Variants in GMCL1 observed in about 807,000 individuals in gnomAD.
GMCL1 encodes germ cell-less 1, spermatogenesis associated.
A neutral mutation model predicts 75.5 loss-of-function variants in GMCL1; 54 were observed. The ratio of observed to expected loss-of-function variants is 0.71; its 90% CI spans 0.57 to 0.90. The LOEUF (loss-of-function observed/expected upper bound fraction) is 0.90, where lower values mean the gene tolerates loss of function less well. GMCL1 is among the 40% of genes least tolerant of loss of function. GMCL1 has a pLI of 0.00. For synonymous variants in GMCL1, 210 were observed against 209.6 expected (o/e 1.00, Z -0.02); for missense variants, 537 against 622.7 (o/e 0.86, Z 1.47).
intron 1 of GMCL1, among the ~76,000 whole-genome samples, chr2:69,834,840 T>C (rs1216228058): frequency 1.3e-5 from 2 of 152,192 alleles, no homozygotes; most frequent in African/African-American, 4.8e-5. Flanking sequence ...GGATGCCTCT[T>C]AACTGGATTT....
At position 69,864,942 on chromosome 2, in the gene GMCL1, G is replaced by A. The variant is rs1320666418; in HGVS notation, c.1185G>A (p.Met395Ile). The A allele has an allele frequency of 1.2e-6, 2 of 1,613,562 alleles. No homozygotes were observed. Among genetic ancestry groups the A allele is most frequent in the Non-Finnish European group, 1.7e-6 (2 of 1,179,658 alleles). The change falls in exon 11 of 14, where the codon ATG becomes ATA. Residue 395 changes from methionine to isoleucine, a missense_variant. Coordinates refer to ENST00000282570, the MANE Select transcript of GMCL1 (RefSeq NM_178439.5). Reference sequence around the variant, plus strand: ...AAGAAGAACTAGAGGGAAACAGCATGAGGTGTGGTAGAAAGCTTGCCAAAG... The same window carrying A: ...AAGAAGAACTAGAGGGAAACAGCATAAGGTGTGGTAGAAAGCTTGCCAAAG... ...INKEELEGNS[M>I]RCGRKLAKDG...
At chr2:69,875,133 A>G (rs1260716642) in intron 13 of GMCL1, among the ~76,000 whole-genome samples, 1 of 152,084 alleles carries the variant, frequency 6.6e-6, no homozygotes, top group East Asian at 1.9e-4. Context: ...TGTTATCCTT[A>G]GGCCTCCATC....
At chr2:69,870,658 A>G (rs1675957362) in intron 12 of GMCL1, among the ~76,000 whole-genome samples, 1 of 152,232 alleles carries the variant, frequency 6.6e-6, no homozygotes, top group Non-Finnish European at 1.5e-5. Flanking sequence ...CTACAACTCT[A>G]TAATTTAAAA....
chr2:69,854,103 A>G (rs1487275579), intron 8 of GMCL1, among the ~76,000 whole-genome samples: 8 of 149,824 alleles, frequency 5.3e-5, no homozygotes, highest in Non-Finnish European at 8.9e-5. Context: ...ACGCCCAGCC[A>G]AATTATTCTA....
intron 9 of GMCL1, among the ~76,000 whole-genome samples, chr2:69,857,837 AT>A (rs2104004470): frequency 6.6e-6 from 1 of 152,312 alleles, no homozygotes; most frequent in African/African-American, 2.4e-5. Context: ...TTTTAAGTGG[AT>A]TCATGTTAGT....
chr2:69,878,875 T>G (rs1273823382), intron 13 of GMCL1, 34 bp from the exon 14 acceptor site: 1 of 1,430,734 alleles, frequency 7.0e-7, no homozygotes, highest in African/African-American at 1.4e-5. Context: ...TTATTTTATC[T>G]AATTGTCATT....
chr2:69,866,467 C>T (rs1178780385), intron 11 of GMCL1, among the ~76,000 whole-genome samples: 3 of 151,942 alleles, frequency 2.0e-5, no homozygotes, highest in Non-Finnish European at 2.9e-5. Flanking sequence ...GATTATTTTA[C>T]GTTCACATTG....
At chr2:69,846,328 A>T (rs1675143874) in intron 6 of GMCL1, among the ~76,000 whole-genome samples, 1 of 152,206 alleles carries the variant, frequency 6.6e-6, no homozygotes, top group Non-Finnish European at 1.5e-5. Context: ...TGGGGGAAAA[A>T]CTATAAAAAA....
At chr2:69,870,468 A>G (rs893013329) in intron 12 of GMCL1, among the ~76,000 whole-genome samples, 1 of 152,178 alleles carries the variant, frequency 6.6e-6, no homozygotes, top group Admixed American at 6.5e-5. Flanking sequence ...TTTCTTCCAT[A>G]AGACACCCAA....
chr2:69,850,090 C>CT (rs1275028068), intron 8 of GMCL1, among the ~76,000 whole-genome samples: 1 of 152,162 alleles, frequency 6.6e-6, no homozygotes, highest in Admixed American at 6.5e-5. Context: ...TGAGTTTTCT[C>CT]TAACAAGCTA....
chr2:69,869,160 A>G (rs1415619404), intron 11 of GMCL1, among the ~76,000 whole-genome samples: 1 of 151,782 alleles, frequency 6.6e-6, no homozygotes, highest in Non-Finnish European at 1.5e-5. Context: ...GAGGCAGGAG[A>G]ATCGCTTGAA....
At position 69,843,228 on chromosome 2, in the gene GMCL1, C is replaced by CT. The variant is rs751838716; in HGVS notation, c.659_660insT (p.Gly221ArgfsTer14). On this transcript the variant is annotated frameshift_variant, in exon 5 of 14. Coordinates refer to ENST00000282570, the MANE Select transcript of GMCL1 (RefSeq NM_178439.5). LOFTEE classifies it high-confidence loss of function. ...ACTGTATGTGGCTATTACACATCAG[C>CT]AGGGACCTATGGATTAGATTCTGTA... 2 of 1,605,250 alleles carry CT rather than the reference C, an allele frequency of 1.2e-6. No individual in the cohort carries two copies. Among genetic ancestry groups the CT allele is most frequent in the Non-Finnish European group, 1.7e-6 (2 of 1,172,184 alleles).
intron 10 of GMCL1, among the ~76,000 whole-genome samples, 178 bp from the exon 11 acceptor site, chr2:69,864,721 CT>C (rs1478047263): frequency 6.8e-6 from 1 of 147,470 alleles, no homozygotes; most frequent in Non-Finnish European, 1.5e-5. Flanking sequence ...GATATTAAAT[CT>C]TTTTTATCTA....
intron 13 of GMCL1, among the ~76,000 whole-genome samples, chr2:69,877,654 G>A (rs1405978808): frequency 6.6e-6 from 1 of 152,008 alleles, no homozygotes; most frequent in African/African-American, 2.4e-5. Flanking sequence ...TTTGTTCACT[G>A]ATGTCTTTTT....
At chr2:69,864,272 A>T (rs1211980034) in intron 10 of GMCL1, among the ~76,000 whole-genome samples, 1 of 151,978 alleles carries the variant, frequency 6.6e-6, no homozygotes, top group Non-Finnish European at 1.5e-5. Flanking sequence ...CATGTTGTGA[A>T]TGAATATATG....
At chr2:69,860,699 C>T (rs1675614489) in intron 9 of GMCL1, among the ~76,000 whole-genome samples, 1 of 152,034 alleles carries the variant, frequency 6.6e-6, no homozygotes, top group African/African-American at 2.4e-5. Context: ...TTAACTATCC[C>T]AATTTAAATG....
chr2:69,850,367 G>A (rs1436200470), intron 8 of GMCL1, among the ~76,000 whole-genome samples: 2 of 149,156 alleles, frequency 1.3e-5, no homozygotes, highest in African/African-American at 4.9e-5. Context: ...ATGTATGTAT[G>A]TTATTTTTTA....
chr2:69,853,803 ATTTTC>A (rs1235437876), intron 8 of GMCL1, among the ~76,000 whole-genome samples: 1 of 151,802 alleles, frequency 6.6e-6, no homozygotes, highest in Non-Finnish European at 1.5e-5. Context: ...GAATTATTCT[ATTTTC>A]TTTTCTTTTT....
At chr2:69,849,978 G>A (rs1230597707) in intron 8 of GMCL1, among the ~76,000 whole-genome samples, 2 of 152,104 alleles carry the variant, frequency 1.3e-5, no homozygotes, top group African/African-American at 4.8e-5. Flanking sequence ...TATCTGAATT[G>A]TTACTCCTTG....
Sources: gnomAD v4.1 joint callset for allele counts (sites outside exome capture counted in the v4.1 genomes callset) on GRCh38, gnomAD v4.1.1 for gene constraint, MANE v1.5 for transcripts, NCBI Gene and HGNC (gene_info 2026-07-23, HGNC 2026-07-21) for gene names.